Variants in USP37 observed in about 807,000 individuals in gnomAD.
USP37 encodes the protein ubiquitin specific peptidase 37, also known as ubiquitin carboxyl-terminal hydrolase 37.
USP37 carries 27 observed loss-of-function variants against 124.0 expected under a neutral mutation model. That is an observed-to-expected ratio of 0.22 (90% CI 0.16 to 0.30). The LOEUF (loss-of-function observed/expected upper bound fraction) is 0.30, where lower values mean the gene tolerates loss of function less well. Ranked by LOEUF, USP37 falls within the 10% of genes least tolerant of loss-of-function variation. USP37 has a pLI of 1.00. For synonymous variants in USP37, 365 were observed against 388.0 expected (o/e 0.94, Z 0.70); for missense variants, 889 against 1,140.4 (o/e 0.78, Z 3.17).
chr2:218,467,289 C>T (rs1366010247), intron 20 of USP37, among the ~76,000 whole-genome samples: 10 of 150,550 alleles, frequency 6.6e-5, no homozygotes, highest in African/African-American at 9.8e-5. Context: ...GGACTACAGG[C>T]GCCCGCCACC....
intron 14 of USP37, among the ~76,000 whole-genome samples, chr2:218,494,305 A>G (rs1688957730): frequency 1.3e-5 from 2 of 152,388 alleles, no homozygotes; most frequent in Admixed American, 1.3e-4. Context: ...ACCAATATGG[A>G]TTATGAATAT....
rs1402281966 is a variant in USP37 at position 218,457,181 on chromosome 2, A to T, written c.2644-20T>A. The T allele has an allele frequency of 6.2e-7, 1 of 1,609,540 alleles. No individual in the cohort carries two copies. Among genetic ancestry groups the T allele is most frequent in the East Asian group, 2.2e-5 (1 of 44,842 alleles). On this transcript the variant is annotated intron_variant, in intron 23 of 25. Coordinates refer to ENST00000258399, the MANE Select transcript of USP37 (RefSeq NM_020935.3). ...TCCTGTCTGGAAAACAGAAGTGGGT[A>T]TAACTTTTAAGTCTTCATTTGAATA...
At chr2:218,561,726 T>C (rs961189055) in intron 2 of USP37, among the ~76,000 whole-genome samples, 1 of 151,720 alleles carries the variant, frequency 6.6e-6, no homozygotes, top group African/African-American at 2.4e-5. Context: ...TCAAATCATA[T>C]CCCTCTCTTG....
intron 4 of USP37, among the ~76,000 whole-genome samples, chr2:218,557,805 C>G (rs1056070979): frequency 6.9e-6 from 1 of 145,758 alleles, no homozygotes; most frequent in Non-Finnish European, 1.5e-5. Flanking sequence ...GTGGCGCACA[C>G]CTGTAATCCC....
At chr2:218,501,931 TC>T (rs1296696081) in intron 11 of USP37, among the ~76,000 whole-genome samples, 1 of 152,218 alleles carries the variant, frequency 6.6e-6, no homozygotes, top group East Asian at 1.9e-4. Context: ...CTCCCAGAAC[TC>T]ACACAGGGAC....
intron 20 of USP37, among the ~76,000 whole-genome samples, chr2:218,468,109 G>A (rs1005093624): frequency 5.3e-5 from 8 of 151,324 alleles, no homozygotes; most frequent in Non-Finnish European, 1.0e-4. Flanking sequence ...GGCTGGTCTC[G>A]AACTCCTGAC....
chr2:218,481,242 A>T (rs1160740065), intron 17 of USP37, among the ~76,000 whole-genome samples: 3 of 152,226 alleles, frequency 2.0e-5, no homozygotes, highest in African/African-American at 7.2e-5. Flanking sequence ...TTTCTTGAGA[A>T]ATTTCAGGAG....
chr2:218,544,715 T>C (rs938649445), intron 8 of USP37, among the ~76,000 whole-genome samples: 4 of 152,134 alleles, frequency 2.6e-5, no homozygotes, highest in African/African-American at 9.7e-5. Context: ...CAGGAACTTA[T>C]TCCAACGCCT....
At chr2:218,459,729 TAA>T in intron 23 of USP37, 59 bp downstream of exon 23, 1 of 1,450,044 alleles carries the variant, frequency 6.9e-7, no homozygotes, top group South Asian at 1.2e-5. Flanking sequence ...GCCTTTGAAG[TAA>T]AGAGTGGGAA....
chr2:218,487,021 C>G (rs1350798497), intron 15 of USP37, among the ~76,000 whole-genome samples: 1 of 152,010 alleles, frequency 6.6e-6, no homozygotes, highest in South Asian at 2.1e-4. Flanking sequence ...CCACCGTGCC[C>G]GGCCTTATTT....
chr2:218,489,114 T>C (rs988900552), intron 14 of USP37, among the ~76,000 whole-genome samples: 12 of 151,438 alleles, frequency 7.9e-5, no homozygotes, highest in South Asian at 2.1e-4. Context: ...TCCCAGCACT[T>C]TGGGAGGCCA....
chr2:218,508,807 G>A (rs1297050425), intron 11 of USP37, among the ~76,000 whole-genome samples: 1 of 152,134 alleles, frequency 6.6e-6, no homozygotes, highest in Non-Finnish European at 1.5e-5. Flanking sequence ...ATTTTATGAT[G>A]TTTTCTGCCA....
At chr2:218,567,334 C>T (rs191881720) in intron 1 of USP37, among the ~76,000 whole-genome samples, 3 of 152,280 alleles carry the variant, frequency 2.0e-5, no homozygotes, top group Admixed American at 6.5e-5. Context: ...TTCGTCAATG[C>T]TCCATCCTAG....
At chr2:218,529,924 A>T (rs1202649338) in intron 10 of USP37, 32 bp downstream of exon 10, 2 of 1,487,718 alleles carry the variant, frequency 1.3e-6, no homozygotes, top group South Asian at 2.4e-5. Flanking sequence ...AGAACTCCTA[A>T]GTTTTTCACA....
At chr2:218,558,417 G>A (rs923926992) in intron 4 of USP37, 81 bp downstream of exon 4, 2 of 1,302,932 alleles carry the variant, frequency 1.5e-6, no homozygotes, top group Non-Finnish European at 2.1e-6. Flanking sequence ...GAGGGCTACT[G>A]TGATGTTTAC....
At chr2:218,556,544 G>A (rs889978002) in intron 4 of USP37, among the ~76,000 whole-genome samples, 1 of 98,446 alleles carries the variant, frequency 1.0e-5, no homozygotes, top group African/African-American at 4.0e-5. Flanking sequence ...ATGGAGTTTC[G>A]CTCTTGTTGC....
At chr2:218,538,702 C>T (rs1376952754) in intron 8 of USP37, among the ~76,000 whole-genome samples, 1 of 152,102 alleles carries the variant, frequency 6.6e-6, no homozygotes, top group Admixed American at 6.6e-5. Flanking sequence ...CCAAGGGCAT[C>T]CCTTGAGAAA....
At chr2:218,465,758 G>A (rs1412151457) in intron 21 of USP37, among the ~76,000 whole-genome samples, 1 of 152,094 alleles carries the variant, frequency 6.6e-6, no homozygotes, top group Non-Finnish European at 1.5e-5. Context: ...GTTTTGTCAT[G>A]TTGGCTAGGC....
chr2:218,466,072 T>C lies in USP37; in HGVS notation c.2404A>G (p.Met802Val). 1 of 1,614,070 alleles carries C rather than the reference T, an allele frequency of 6.2e-7. No individual in the cohort carries two copies. The highest frequency in any genetic ancestry group is 8.5e-7 in the Non-Finnish European group (1 of 1,180,026). The change falls in exon 21 of 26, where the codon ATG becomes GTG. Residue 802 changes from methionine to valine, a missense_variant. Physicochemically the swap from Met to Val is conservative, Grantham distance 21. Around this residue, in one of 3 missense-constraint regions of USP37, gnomAD observed 504 missense variants for 714.3 expected, o/e 0.71. Coordinates refer to ENST00000258399, the MANE Select transcript of USP37 (RefSeq NM_020935.3). ...GEVDWLQQYD[M>V]EREREEQELQ... The stretch of plus-strand genomic sequence containing the variant: ...TCTTGCTCTTCCCTTTCACGCTCCA[T>C]ATCATACTGCTGGAGCCAATCAACT...
Sources: gnomAD v4.1 joint callset for allele counts (sites outside exome capture counted in the v4.1 genomes callset) on GRCh38, gnomAD v4.1.1 for gene constraint, gnomAD v4.1.1 regional missense constraint, MANE v1.5 for transcripts, NCBI Gene and HGNC (gene_info 2026-07-23, HGNC 2026-07-21) for gene names.